Variants in R3HDM4 observed in about 807,000 individuals in gnomAD.
The protein encoded by R3HDM4 is R3H domain-containing protein 4.
R3HDM4 carries 30 observed loss-of-function variants against 31.3 expected under a neutral mutation model. The ratio of observed to expected loss-of-function variants is 0.96; its 90% CI spans 0.72 to 1.30. R3HDM4 has a LOEUF of 1.30. R3HDM4 is among the 50% of genes most tolerant of loss of function. The pLI is 0.00. For synonymous variants in R3HDM4, 196 were observed against 156.6 expected (o/e 1.25, Z -1.88); for missense variants, 444 against 366.1 (o/e 1.21, Z -1.74).
At chr19:910,177 T>A (rs1024055533) in intron 1 of R3HDM4, among the ~76,000 whole-genome samples, 2 of 151,756 alleles carry the variant, frequency 1.3e-5, no homozygotes, top group Non-Finnish European at 2.9e-5. Context: ...AATACAAAAT[T>A]AGCTGGGTGC....
intron 1 of R3HDM4, among the ~76,000 whole-genome samples, chr19:905,001 G>C (rs2036884332): frequency 2.0e-5 from 3 of 151,650 alleles, no homozygotes; most frequent in Admixed American, 1.3e-4. Context: ...GAGGTCAGGA[G>C]TTCAAGACCA....
At chr19:911,968 A>G (rs1472133774) in intron 1 of R3HDM4, among the ~76,000 whole-genome samples, 1 of 149,670 alleles carries the variant, frequency 6.7e-6, no homozygotes, top group African/African-American at 2.5e-5. Flanking sequence ...GCTGGAGCGC[A>G]TGGCCACGTG....
chr19:905,782 C>T (rs879785238), intron 1 of R3HDM4, among the ~76,000 whole-genome samples: 5 of 152,078 alleles, frequency 3.3e-5, no homozygotes, highest in African/African-American at 9.6e-5. Context: ...CCACAGACTG[C>T]GGCAAAAATC....
In R3HDM4 at chr19:899,627, G is replaced by C. The variant is rs754434107; in HGVS notation, c.621C>G (p.Ala207=). ...TGTTGTCTAGCATTGCTGTGTACACGGCCTGGGGGGACACGGAGAAGAACC... is the reference window on the plus strand; with the variant it reads ...TGTTGTCTAGCATTGCTGTGTACACCGCCTGGGGGGACACGGAGAAGAACC... ...LLRFFSVSPQ[A]VYTAMLDNSF... The change falls in exon 6 of 8, where the codon GCC becomes GCG. Residue 207 remains alanine (A), a synonymous_variant. Transcript: ENST00000361574. The surrounding 1 kb of genome is among the most constrained non-coding windows in gnomAD (Gnocchi z 6.8). 6.2e-7 allele frequency: 1 copy of C among 1,609,682 alleles called. No individual in the cohort carries two copies. Among genetic ancestry groups the C allele is most frequent in the East Asian group, 2.2e-5 (1 of 44,824 alleles).
intron 1 of R3HDM4, among the ~76,000 whole-genome samples, chr19:904,321 G>A (rs1355118216): frequency 4.6e-5 from 7 of 152,122 alleles, no homozygotes; most frequent in Admixed American, 1.3e-4. Flanking sequence ...CCCCACCGCC[G>A]GCACTCACAG....
intron 1 of R3HDM4, among the ~76,000 whole-genome samples, chr19:909,694 G>A (rs1452149392): frequency 3.3e-5 from 5 of 151,972 alleles, no homozygotes; most frequent in Non-Finnish European, 7.4e-5. Context: ...TACTCAGGAG[G>A]CTGAGGCAGG....
At chr19:905,887 A>C (rs943153937) in intron 1 of R3HDM4, among the ~76,000 whole-genome samples, 3 of 152,174 alleles carry the variant, frequency 2.0e-5, no homozygotes, top group Non-Finnish European at 2.9e-5. Context: ...TCCACCCTGG[A>C]CCAGGTGCTC....
intron 2 of R3HDM4, 177 bp downstream of exon 2, chr19:901,799 A>AG (rs2036841167): frequency 5.2e-6 from 3 of 579,546 alleles, no homozygotes; most frequent in Non-Finnish European, 8.6e-6. Flanking sequence ...CCAAGAGTCC[A>AG]GGGGGCGCCT....
In R3HDM4 at chr19:897,380, G is replaced by A. The variant is rs946507049; in HGVS notation, c.*57C>T. 3 of 1,267,060 alleles carry A rather than the reference G, an allele frequency of 2.4e-6. No homozygotes were observed. The African/African-American group carries it at 4.5e-5, about 19-fold the overall frequency. The allele number at this position is 1,267,060 out of a possible 1,614,324, so 78.5% of individuals were successfully genotyped here. On this transcript the variant is annotated 3_prime_UTR_variant, in exon 8 of 8. Transcript: ENST00000361574. The stretch of plus-strand genomic sequence containing the variant: ...AATATGAAAGATATTTTAGCCGAAG[G>A]TATCGGAGGGCTTGATGGCTGGGCG...
intron 1 of R3HDM4, among the ~76,000 whole-genome samples, chr19:910,064 G>A (rs1311442976): frequency 6.6e-6 from 1 of 152,148 alleles, no homozygotes; most frequent in Non-Finnish European, 1.5e-5. Flanking sequence ...AGTGGCTCAT[G>A]CCTGTAATCC....
At chr19:908,747 C>A (rs914906497) in intron 1 of R3HDM4, among the ~76,000 whole-genome samples, 3 of 152,070 alleles carry the variant, frequency 2.0e-5, no homozygotes, top group Admixed American at 6.6e-5. Context: ...GTGTTCACCA[C>A]CCCCAGGAAC....
Position 900,839 on chromosome 19 carries a change from G to T in R3HDM4, c.465C>A (p.Asp155Glu), listed in dbSNP as rs766320763. 1 of 1,535,516 alleles carries T rather than the reference G, an allele frequency of 6.5e-7. No individual in the cohort carries two copies. Among genetic ancestry groups the T allele is most frequent in the South Asian group, 1.2e-5 (1 of 83,288 alleles). The change falls in exon 4 of 8, where the codon GAC becomes GAA. Residue 155 changes from aspartate to glutamate, a missense_variant. By Grantham distance (45) the Asp-to-Glu change is conservative. Coordinates refer to ENST00000361574, the MANE Select transcript of R3HDM4 (RefSeq NM_138774.4). The stretch of plus-strand genomic sequence containing the variant: ...CAGCCAGGCCCGCACCTCTCCTCCG[G>T]TCCTCCCCACGGCCAGGGCCCCTCC... ...ARRRGPGRGE[D>E]RRREDPAYTP...
chr19:901,238 G>C, intron 3 of R3HDM4, 184 bp downstream of exon 3: 1 of 709,412 alleles, frequency 1.4e-6, no homozygotes, highest in Non-Finnish European at 2.3e-6. Flanking sequence ...GAGCTCGAAG[G>C]TTCCAGGGGT....
In R3HDM4 at chr19:900,138, C is replaced by A. The variant is rs777141353; in HGVS notation, c.484G>T (p.Ala162Ser). 6.3e-7 allele frequency: 1 copy of A among 1,580,618 alleles called. No homozygotes were observed. The highest frequency in any genetic ancestry group is 8.6e-7 in the Non-Finnish European group (1 of 1,164,462). ...TGGAAGCACTCGCGGGGTGTATAGG[C>A]GGGGTCCTCTGCAGGAGTGGGGGAA... Reference protein sequence around the residue: ...RGEDRRREDPAYTPRECFQRI... With the variant: ...RGEDRRREDPSYTPRECFQRI... The change falls in exon 5 of 8, where the codon GCC becomes TCC. Residue 162 changes from alanine (A) to serine (S), a missense_variant. Ala to Ser is a moderately conservative substitution (Grantham distance 99, BLOSUM62 1). Coordinates refer to ENST00000361574, the MANE Select transcript of R3HDM4 (RefSeq NM_138774.4).
chr19:900,490 T>C (rs1339163913), intron 4 of R3HDM4, among the ~76,000 whole-genome samples: 1 of 147,776 alleles, frequency 6.8e-6, no homozygotes, highest in East Asian at 2.0e-4. Flanking sequence ...CCACTCCATG[T>C]CCCGCCCCAT....
chr19:901,789 C>G, intron 2 of R3HDM4, 187 bp downstream of exon 2: 1 of 456,430 alleles, frequency 2.2e-6, no homozygotes, highest in South Asian at 1.9e-5. Context: ...CAGCCCTGAT[C>G]CAAGAGTCCA....
In R3HDM4 at chr19:907,110, C is replaced by T. The variant is rs1364318799; in HGVS notation, c.72-4980G>A. On this transcript the variant is annotated intron_variant, in intron 1 of 7. Transcript: ENST00000361574. The surrounding 1 kb of genome is among the most constrained non-coding windows in gnomAD (Gnocchi z 4.1). ...GATTACAGGCATGAGCTACCACGCC[C>T]GGCCCTCATTATACAGATTTGTAAA... Among the ~76,000 whole-genome samples, 3 of 152,150 alleles carry T rather than the reference C, an allele frequency of 2.0e-5. No homozygotes were observed. Among genetic ancestry groups the T allele is most frequent in the African/African-American group, 4.8e-5 (2 of 41,428 alleles).
rs781505887 is a variant in R3HDM4, at chr19:901,496, C to T, written c.277G>A (p.Glu93Lys). Residue 93 changes from glutamate to lysine, a missense_variant, in exon 3 of 8, where the codon GAG becomes AAG. By Grantham distance (56) the Glu-to-Lys change is moderately conservative. Coordinates refer to ENST00000361574, the MANE Select transcript of R3HDM4 (RefSeq NM_138774.4). ...GCAGGGGGTGCCAAGTCCCCATCCT[C>T]CAGGCCAGGCAGGCCCCCGTCTGTC... is the stretch of plus-strand genomic sequence containing the variant. ...LETDGGLPGL[E>K]DGDLAPPASP... 3.1e-6 allele frequency: 5 copies of T among 1,609,122 alleles called. No homozygotes were observed. The highest frequency in any genetic ancestry group is 1.7e-5 in the Admixed American group (1 of 59,946).
At chr19:906,240 G>C (rs1439732495) in intron 1 of R3HDM4, among the ~76,000 whole-genome samples, 1 of 137,410 alleles carries the variant, frequency 7.3e-6, no homozygotes, top group African/African-American at 2.8e-5. Context: ...TTTTTTTTGA[G>C]ACAGAGTCTC....
Sources: allele counts gnomAD v4.1 joint callset (sites outside exome capture counted in the v4.1 genomes callset), GRCh38; gene constraint gnomAD v4.1.1; non-coding constraint Gnocchi (gnomAD v3.1); transcripts MANE v1.5; gene names NCBI Gene and HGNC (gene_info 2026-07-23, HGNC 2026-07-21).